Variants in GRPEL1 observed in about 807,000 individuals in gnomAD.
GRPEL1 encodes the protein grpE protein homolog 1, mitochondrial.
Under a neutral mutation model 22.1 loss-of-function variants are expected in GRPEL1, and 13 were observed. That is an observed-to-expected ratio of 0.59 (90% CI 0.38 to 0.94). The LOEUF (loss-of-function observed/expected upper bound fraction) is 0.94. Among genes scored for constraint, GRPEL1 ranks in the 40% least tolerant of loss-of-function variants. The pLI, the probability that GRPEL1 is intolerant of heterozygous loss-of-function variation, is 0.00. For synonymous variants in GRPEL1, 109 were observed against 105.3 expected, an observed-to-expected ratio of 1.03 and a Z score of -0.21; for missense variants, 289 against 264.6, an observed-to-expected ratio of 1.09 and a Z score of -0.64.
At position 7,061,097 on chromosome 4, in the gene GRPEL1, A is replaced by G. The variant is rs755275223; in HGVS notation, c.419T>C (p.Leu140Pro). 6.2e-7 allele frequency: 1 copy of G among 1,614,106 alleles called. No homozygotes were observed. Reference protein sequence around the residue: ...IKDDNPHLKNLYEGLVMTEVQ... With the variant: ...IKDDNPHLKNPYEGLVMTEVQ... ...TTCAGTCATGACCAGCCCCTCATAG[A>G]GGTTCTTCAGGTGAGGGTTATCGTC... The change falls in exon 4 of 4, where the codon CTC becomes CCC. Residue 140 changes from leucine (L) to proline (P), a missense_variant. Transcript: ENST00000264954.
intron 1 of GRPEL1, among the ~76,000 whole-genome samples, chr4:7,066,263 C>T (rs554315127): frequency 1.3e-5 from 2 of 152,300 alleles, no homozygotes; most frequent in African/African-American, 4.8e-5. Flanking sequence ...GCACTGCGAG[C>T]GACAAGTTGG....
At chr4:7,063,352 G>C (rs1274639670) in intron 2 of GRPEL1, among the ~76,000 whole-genome samples, 7 of 152,264 alleles carry the variant, frequency 4.6e-5, no homozygotes, top group African/African-American at 1.7e-4. Context: ...ACCTTCCAAA[G>C]TGCTATCAGA....
chr4:7,064,539 C>CT (rs1041683393), intron 1 of GRPEL1, among the ~76,000 whole-genome samples: 11 of 151,034 alleles, frequency 7.3e-5, no homozygotes, highest in East Asian at 5.8e-4. Context: ...ATATGTATTT[C>CT]TTTTTTTTTG....
In GRPEL1 at chr4:7,059,814, C is replaced by T. The variant is rs546237937; in HGVS notation, c.*1048G>A. ...CTTTGGCAAGATGATTTTGCAAATC[C>T]TGTGCCCTTGCTGTGGCTCCTGGGT... On this transcript the variant is annotated 3_prime_UTR_variant, in exon 4 of 4. Coordinates refer to ENST00000264954, the MANE Select transcript of GRPEL1 (RefSeq NM_025196.4). 2.6e-5 allele frequency: 4 copies of T among 152,378 alleles called. No homozygotes were observed. The highest frequency in any genetic ancestry group is 2.1e-4 in the South Asian group (1 of 4,830). 9.4% of individuals were successfully genotyped at this position (152,378 alleles called of 1,614,324 possible).
In GRPEL1 at chr4:7,067,965, C is replaced by T; in HGVS notation, c.62+6G>A. 1.2e-6 allele frequency: 2 copies of T among 1,613,304 alleles called. No individual in the cohort carries two copies. Among genetic ancestry groups the T allele is most frequent in the East Asian group, 2.2e-5 (1 of 44,854 alleles). The stretch of plus-strand genomic sequence containing the variant: ...CCTCCACCCAGGGAGACCAAGTGCC[C>T]CTTACCTGAGAGACAACGCCAAAGC... On this transcript the variant is annotated splice_donor_region_variant and intron_variant, in intron 1 of 3. Coordinates refer to ENST00000264954, the MANE Select transcript of GRPEL1 (RefSeq NM_025196.4).
intron 1 of GRPEL1, chr4:7,067,653 C>G (rs1724203374): frequency 4.8e-6 from 2 of 415,204 alleles, no homozygotes; most frequent in East Asian, 8.7e-5. Flanking sequence ...TGAATGCGCG[C>G]GAGGCGTCGC....
chr4:7,062,418 TC>T lies in GRPEL1; in HGVS notation c.273del (p.Ser92AlafsTer46), dbSNP rs1219984242. The T allele has an allele frequency of 1.2e-6, 2 of 1,601,200 alleles. No individual in the cohort carries two copies. The highest frequency in any genetic ancestry group is 1.7e-6 in the Non-Finnish European group (2 of 1,171,318). On this transcript the variant is annotated frameshift_variant, in exon 3 of 4. Transcript: ENST00000264954. LOFTEE classifies it high-confidence loss of function. ...ALADTENLRQRSQKLVEEAKL... is the reference protein window; with the variant it reads ...ALADTENLRQXSQKLVEEAKL... The stretch of plus-strand genomic sequence containing the variant: ...TTTGCCTCCTCCACCAATTTCTGGC[TC>T]CTCTGCCGTAAGTTCTCAGTGTCTG...
chr4:7,063,655 A>G (rs1405155353), intron 2 of GRPEL1, among the ~76,000 whole-genome samples: 1 of 152,180 alleles, frequency 6.6e-6, no homozygotes, highest in Admixed American at 6.5e-5. Flanking sequence ...ATGGAGTAAT[A>G]ATCCATGTTA....
In GRPEL1 at chr4:7,064,517, CTATCTA is replaced by C. The variant is rs559186864; in HGVS notation, c.63-300_63-295del. Among the ~76,000 whole-genome samples, 318 of 152,132 alleles carry C rather than the reference CTATCTA, an allele frequency of 2.1e-3. 2 individuals carry two copies. The highest frequency in any genetic ancestry group is 3.7e-3 in the Non-Finnish European group (254 of 68,014). On this transcript the variant is annotated intron_variant, in intron 1 of 3. Coordinates refer to ENST00000264954, the MANE Select transcript of GRPEL1 (RefSeq NM_025196.4). ...TCTATATATCTATCTATCTATACAT[CTATCTA>C]TATCTATATGTATTTCTTTTTTTTT...
chr4:7,064,958 C>CT lies in GRPEL1; in HGVS notation c.63-736dup, dbSNP rs1287022080. On this transcript the variant is annotated intron_variant, in intron 1 of 3. Coordinates refer to ENST00000264954, the MANE Select transcript of GRPEL1 (RefSeq NM_025196.4). ...TACAGGCATGAGCCACTGTGCCTGT[C>CT]TTTTTTATAAGATCTTCTGTAAGTA... Among the ~76,000 whole-genome samples, 7 of 152,256 alleles carry CT rather than the reference C, an allele frequency of 4.6e-5. No individual in the cohort carries two copies. The East Asian group carries it at 1.2e-3, about 25-fold the overall frequency.
rs182069980 is a variant in GRPEL1, at chr4:7,060,711, G to C, written c.*151C>G. The C allele has an allele frequency of 1.1e-5, 8 of 711,124 alleles. No homozygotes were observed. In the African/African-American group the frequency reaches 1.2e-4, roughly 11 times the overall value. 44.1% of individuals were successfully genotyped at this position (711,124 alleles called of 1,614,324 possible). A position where few individuals can be genotyped will look rare whatever the true frequency, so the allele number is the denominator to read the frequency against. On this transcript the variant is annotated 3_prime_UTR_variant, in exon 4 of 4. Coordinates refer to ENST00000264954, the MANE Select transcript of GRPEL1 (RefSeq NM_025196.4). ...CGAATTAGAGTTCATTAATGCAGTT[G>C]GGCAACCGGCTTTTCTGTTTAGCCA...
At position 7,059,998 on chromosome 4, in the gene GRPEL1, T is replaced by C. The variant is rs1281400823; in HGVS notation, c.*864A>G. The C allele has an allele frequency of 2.0e-5, 3 of 152,236 alleles. No homozygotes were observed. The highest frequency in any genetic ancestry group is 7.2e-5 in the African/African-American group (3 of 41,438). 9.4% of individuals were successfully genotyped at this position (152,236 alleles called of 1,614,324 possible). On this transcript the variant is annotated 3_prime_UTR_variant, in exon 4 of 4. Coordinates refer to ENST00000264954, the MANE Select transcript of GRPEL1 (RefSeq NM_025196.4). ...AGTAGAGAATGGGAAGGCTAAGCCA[T>C]GCTTGCCTCAGCGGCAAGGATCTCC... is the stretch of plus-strand genomic sequence containing the variant.
chr4:7,066,251 C>CAGCACTGCGAGCGACAAGTTGGA (rs1724165846), intron 1 of GRPEL1, among the ~76,000 whole-genome samples: 1 of 152,214 alleles, frequency 6.6e-6, no homozygotes, highest in African/African-American at 2.4e-5. Flanking sequence ...CTGTTTATTG[C>CAGCACTGCGAGCGACAAGTTGGA]AGCACTGCGA....
At chr4:7,066,935 C>T (rs1045220864) in intron 1 of GRPEL1, among the ~76,000 whole-genome samples, 2 of 152,220 alleles carry the variant, frequency 1.3e-5, no homozygotes, top group South Asian at 4.1e-4. Flanking sequence ...CAATTAATTC[C>T]AATACAAAAC....
chr4:7,061,570 C>T (rs1369878491), intron 3 of GRPEL1: 4 of 236,572 alleles, frequency 1.7e-5, no homozygotes, highest in East Asian at 1.1e-4. Context: ...CCACTAAGCC[C>T]GTAAGAGTAT....
chr4:7,064,599 C>T (rs1021937565), intron 1 of GRPEL1, among the ~76,000 whole-genome samples: 12 of 152,026 alleles, frequency 7.9e-5, no homozygotes, highest in Non-Finnish European at 1.3e-4. Context: ...GTGCAACCTC[C>T]GTCTCGTGGG....
chr4:7,060,757 A>G lies in GRPEL1; in HGVS notation c.*105T>C, dbSNP rs573888040. The G allele has an allele frequency of 6.5e-6, 7 of 1,071,466 alleles. No individual in the cohort carries two copies. The highest frequency in any genetic ancestry group is 4.7e-5 in the African/African-American group (3 of 63,160). The allele number at this position is 1,071,466 out of a possible 1,614,324, so 66.4% of individuals were successfully genotyped here. On this transcript the variant is annotated 3_prime_UTR_variant, in exon 4 of 4. Coordinates refer to ENST00000264954, the MANE Select transcript of GRPEL1 (RefSeq NM_025196.4). ...AGCCACTGGTTACTTAAGGTTTCCA[A>G]TAAGGTTTGGGAAAAGGTCACACGT...
In GRPEL1 at chr4:7,060,991, A is replaced by C. The variant is rs769164111; in HGVS notation, c.525T>G (p.His175Gln). ...CAACCGGTGTGTGGAACAAGGCCTCATGTTCATAAGGGTCGAACTTGGCTC... is the reference window on the plus strand; with the variant it reads ...CAACCGGTGTGTGGAACAAGGCCTCCTGTTCATAAGGGTCGAACTTGGCTC... Reference protein sequence around the residue: ...PVGAKFDPYEHEALFHTPVEG... With the variant: ...PVGAKFDPYEQEALFHTPVEG... Residue 175 changes from histidine (H) to glutamine (Q), a missense_variant, in exon 4 of 4, where the codon CAT becomes CAG. By Grantham distance (24) the His-to-Gln change is conservative. Coordinates refer to ENST00000264954, the MANE Select transcript of GRPEL1 (RefSeq NM_025196.4). The C allele has an allele frequency of 1.2e-6, 2 of 1,614,170 alleles. No individual in the cohort carries two copies. Among genetic ancestry groups the C allele is most frequent in the South Asian group, 2.2e-5 (2 of 91,086 alleles).
Position 7,060,818 on chromosome 4 carries a change from G to T in GRPEL1, c.*44C>A. The stretch of plus-strand genomic sequence containing the variant: ...GAGAAACAATGAACCAGCCTTGAGA[G>T]TTACATCAAGTGAGTTTAAAAACAC... On this transcript the variant is annotated 3_prime_UTR_variant, in exon 4 of 4. Coordinates refer to ENST00000264954, the MANE Select transcript of GRPEL1 (RefSeq NM_025196.4). 1 of 1,489,006 alleles carries T rather than the reference G, an allele frequency of 6.7e-7. No homozygotes were observed. Among genetic ancestry groups the T allele is most frequent in the African/African-American group, 1.4e-5 (1 of 72,018 alleles). The allele number at this position is 1,489,006 out of a possible 1,614,324, so 92.2% of individuals were successfully genotyped here.
Sources: allele counts gnomAD v4.1 joint callset (sites outside exome capture counted in the v4.1 genomes callset), GRCh38; gene constraint gnomAD v4.1.1; transcripts MANE v1.5; gene names NCBI Gene and HGNC (gene_info 2026-07-23, HGNC 2026-07-21).